The following ITSN1 variants were observed in gnomAD, a reference collection of about 807,000 sequenced individuals.
The protein encoded by ITSN1 is intersectin 1, also known as intersectin-1.
ITSN1 carries 58 observed loss-of-function variants against 239.8 expected under a neutral mutation model. The observed-to-expected ratio is 0.24, with a 90% confidence interval of 0.20 to 0.30. The LOEUF (loss-of-function observed/expected upper bound fraction) is 0.30. Ranked by LOEUF, ITSN1 falls within the 10% of genes least tolerant of loss-of-function variation. The pLI is 1.00. For missense variants in ITSN1, 1,558 were observed against 2,103.3 expected (o/e 0.74, Z 5.07); for synonymous variants, 780 against 770.8 (o/e 1.01, Z -0.20).
chr21:33,643,158 G>A (rs2087576647), intron 1 of ITSN1, among the ~76,000 whole-genome samples: 1 of 151,712 alleles, frequency 6.6e-6, no homozygotes, highest in Non-Finnish European at 1.5e-5. Context: ...GACCCGCGTT[G>A]GCGGGAGCGG....
At chr21:33,727,014 A>G (rs1442733567) in intron 4 of ITSN1, among the ~76,000 whole-genome samples, 3 of 152,106 alleles carry the variant, frequency 2.0e-5, no homozygotes, top group Admixed American at 6.6e-5. Context: ...TTAACTTTCA[A>G]CTGTAATCTG....
At chr21:33,755,537 T>G (rs976201133) in intron 8 of ITSN1, 140 bp downstream of exon 8, 4 of 582,580 alleles carry the variant, frequency 6.9e-6, no homozygotes, top group Non-Finnish European at 1.2e-5. Context: ...TCTCATGTTC[T>G]TATCCACTGA....
At chr21:33,649,433 A>G (rs1400851105) in intron 1 of ITSN1, among the ~76,000 whole-genome samples, 2 of 152,192 alleles carry the variant, frequency 1.3e-5, no homozygotes, top group Non-Finnish European at 2.9e-5. Context: ...TTAATGCATC[A>G]CTGCTCTTTC....
chr21:33,870,764 A>G (rs945319060), intron 33 of ITSN1, among the ~76,000 whole-genome samples: 3 of 152,188 alleles, frequency 2.0e-5, no homozygotes, highest in African/African-American at 7.2e-5. Flanking sequence ...TGTCTCTACT[A>G]AAAACACAGA....
intron 18 of ITSN1, 68 bp from the exon 19 acceptor site, chr21:33,799,740 T>C: frequency 6.4e-7 from 1 of 1,558,144 alleles, no homozygotes. Flanking sequence ...GTTGTTTGGC[T>C]TGTTGTCATA....
chr21:33,804,653 C>A (rs2072266429), intron 20 of ITSN1, among the ~76,000 whole-genome samples: 1 of 152,136 alleles, frequency 6.6e-6, no homozygotes, highest in Admixed American at 6.5e-5. Flanking sequence ...TGAATTAAAT[C>A]AAATTTGACA....
chr21:33,797,303 T>C lies in ITSN1; in HGVS notation c.1953-76T>C. On this transcript the variant is annotated intron_variant, in intron 17 of 39. Coordinates refer to ENST00000381318, the MANE Select transcript of ITSN1 (RefSeq NM_003024.3). This position sits in a 1 kb window ranked among gnomAD's most constrained non-coding sequence, Gnocchi z 4.9. ...CCCATCCCATTTACTGGATGGAGCT[T>C]TTTTTGTGAAAAGAGGCAACAGTAG... is the stretch of plus-strand genomic sequence containing the variant. 7.7e-7 allele frequency: 1 copy of C among 1,300,132 alleles called. No homozygotes were observed. Among genetic ancestry groups the C allele is most frequent in the Non-Finnish European group, 1.1e-6 (1 of 909,660 alleles). 80.5% of individuals were successfully genotyped at this position (1,300,132 alleles called of 1,614,324 possible).
chr21:33,660,278 C>T (rs1447422040), intron 1 of ITSN1, among the ~76,000 whole-genome samples: 1 of 152,156 alleles, frequency 6.6e-6, no homozygotes, highest in Non-Finnish European at 1.5e-5. Context: ...CTTTTATCTC[C>T]TAAGGTGGTG....
At chr21:33,659,441 C>T (rs2089365729) in intron 1 of ITSN1, among the ~76,000 whole-genome samples, 1 of 152,126 alleles carries the variant, frequency 6.6e-6, no homozygotes, top group African/African-American at 2.4e-5. Flanking sequence ...TTGAGGCTGG[C>T]ATCTGAAGTG....
At chr21:33,860,643 C>T (rs958342946) in intron 31 of ITSN1, among the ~76,000 whole-genome samples, 3 of 152,204 alleles carry the variant, frequency 2.0e-5, no homozygotes, top group African/African-American at 4.8e-5. Context: ...AGCCCTGTTA[C>T]GGCTGAAGCA....
Position 33,733,502 on chromosome 21 carries a change from A to G in ITSN1, c.186-1542A>G, listed in dbSNP as rs182898559. On this transcript the variant is annotated intron_variant, in intron 4 of 39. Coordinates refer to ENST00000381318, the MANE Select transcript of ITSN1 (RefSeq NM_003024.3). Reference sequence around the variant, plus strand: ...AAATATTTTATATACAAAAATTTAGAATTTTTATGCCGTACATATACATAA... The same window carrying G: ...AAATATTTTATATACAAAAATTTAGGATTTTTATGCCGTACATATACATAA... Among the ~76,000 whole-genome samples the G allele has an allele frequency of 5.1e-3, 775 of 152,298 alleles. 2 individuals carry two copies. The highest frequency in any genetic ancestry group is 0.01 in the Middle Eastern group (3 of 294).
intron 1 of ITSN1, among the ~76,000 whole-genome samples, chr21:33,690,003 G>A (rs2091434343): frequency 6.6e-6 from 1 of 150,630 alleles, no homozygotes; most frequent in South Asian, 2.1e-4. Context: ...AAAAAATAAG[G>A]CCGGGTGCAG....
intron 1 of ITSN1, among the ~76,000 whole-genome samples, chr21:33,695,730 T>C (rs762795149): frequency 6.6e-6 from 1 of 152,214 alleles, no homozygotes; most frequent in Non-Finnish European, 1.5e-5. Context: ...TTTCTTCTTT[T>C]TATTTTGGAT....
chr21:33,830,724 T>G (rs1299221760), intron 27 of ITSN1, among the ~76,000 whole-genome samples: 2 of 152,158 alleles, frequency 1.3e-5, no homozygotes, highest in Admixed American at 1.3e-4. Flanking sequence ...GGACACTACA[T>G]TAGACAAAAT....
chr21:33,879,305 C>T (rs920894222), intron 34 of ITSN1, among the ~76,000 whole-genome samples: 6 of 152,150 alleles, frequency 3.9e-5, no homozygotes, highest in Non-Finnish European at 8.8e-5. Context: ...GAGCCATGAT[C>T]GCACCACTAT....
chr21:33,709,611 T>C (rs1483897189), intron 1 of ITSN1, among the ~76,000 whole-genome samples: 3 of 152,162 alleles, frequency 2.0e-5, no homozygotes. Flanking sequence ...ATTTAGAAAT[T>C]TTACATATTT....
At position 33,854,824 on chromosome 21, in the gene ITSN1, T is replaced by C. The variant is rs115831698; in HGVS notation, c.3662-1912T>C. 7.0e-3 allele frequency among the ~76,000 whole-genome samples: 1,067 copies of C among 152,250 alleles called. 18 individuals carry two copies. Among genetic ancestry groups the C allele is most frequent in the African/African-American group, 0.024 (1,014 of 41,552 alleles). On this transcript the variant is annotated intron_variant, in intron 29 of 39. Transcript: ENST00000381318. ...GAGCTCACCTTGCAGCCCTGGAGAA[T>C]TCTGCTTGACCTCAGGGCAGGGGAC...
At chr21:33,790,678 A>G (rs2071053090) in intron 16 of ITSN1, among the ~76,000 whole-genome samples, 1 of 152,238 alleles carries the variant, frequency 6.6e-6, no homozygotes, top group African/African-American at 2.4e-5. Flanking sequence ...CTGTTATAAT[A>G]GCAAAATAAC....
chr21:33,784,888 T>C (rs1569175320), intron 16 of ITSN1, among the ~76,000 whole-genome samples: 1 of 152,222 alleles, frequency 6.6e-6, no homozygotes, highest in Non-Finnish European at 1.5e-5. Flanking sequence ...GTTTCTTCAG[T>C]GCCCCTCTTG....
Sources: allele counts gnomAD v4.1 joint callset (sites outside exome capture counted in the v4.1 genomes callset), GRCh38; gene constraint gnomAD v4.1.1; non-coding constraint Gnocchi (gnomAD v3.1); transcripts MANE v1.5; gene names NCBI Gene and HGNC (gene_info 2026-07-23, HGNC 2026-07-21).